The following CSMD3 variants were observed in gnomAD, a reference collection of about 807,000 sequenced individuals.
The protein encoded by CSMD3 is CUB and Sushi multiple domains 3.
A neutral mutation model predicts 435.2 loss-of-function variants in CSMD3; 177 were observed. The ratio of observed to expected loss-of-function variants is 0.41; its 90% CI spans 0.36 to 0.46. CSMD3 has a LOEUF of 0.46. Ranked by LOEUF, CSMD3 falls within the 20% of genes least tolerant of loss-of-function variation. CSMD3 has a pLI of 0.34. For synonymous variants in CSMD3, 1,656 were observed against 1,520.5 expected (o/e 1.09, Z -2.07); for missense variants, 4,265 against 4,504.6 (o/e 0.95, Z 1.52).
At chr8:112,742,681 C>T (rs1216363764) in intron 13 of CSMD3, among the ~76,000 whole-genome samples, 1 of 151,736 alleles carries the variant, frequency 6.6e-6, no homozygotes, top group African/African-American at 2.4e-5. Flanking sequence ...ACCCATCTGC[C>T]TGTCTCGATG....
chr8:112,644,218 G>A (rs2074915565), intron 20 of CSMD3, among the ~76,000 whole-genome samples: 1 of 151,314 alleles, frequency 6.6e-6, no homozygotes, highest in Non-Finnish European at 1.5e-5. Flanking sequence ...CCATTCATAA[G>A]TTGTTACCTT....
chr8:112,747,183 CTTTTTTTTTTTTTTTTTT>C (rs71309787), intron 13 of CSMD3, among the ~76,000 whole-genome samples: 38 of 26,954 alleles, frequency 1.4e-3, no homozygotes, highest in African/African-American at 6.5e-3. Context: ...GCACACTTCC[CTTTTTTTTTTTTTTTTTT>C]TTTTTTTTTT....
At chr8:112,273,725 CA>C (rs371418820) in intron 59 of CSMD3, among the ~76,000 whole-genome samples, 128 of 112,000 alleles carry the variant, frequency 1.1e-3, no homozygotes, top group Middle Eastern at 5.0e-3. Context: ...GACTCTGTCT[CA>C]AAAAAAAAAA....
At position 113,314,584 on chromosome 8, in the gene CSMD3, T is replaced by C. The variant is rs144647346; in HGVS notation, c.388A>G (p.Asn130Asp). The change falls in exon 2 of 71, where the codon AAC (asparagine) becomes GAC (aspartate). Residue 130 changes from asparagine (N) to aspartate (D), a missense_variant. Transcript: ENST00000297405. ...SLYDGHPHPT[N>D]FRTRLTGFHL... ...AAACACACTAACCTTGTCCTAAAGT[T>C]TGTAGGATGAGGATGTCCATCATAT... 528 of 1,591,020 alleles carry C rather than the reference T, an allele frequency of 3.3e-4. No homozygotes were observed. Among genetic ancestry groups the C allele is most frequent in the Non-Finnish European group, 4.1e-4 (470 of 1,159,268 alleles).
intron 22 of CSMD3, among the ~76,000 whole-genome samples, chr8:112,594,614 G>A (rs1047609507): frequency 2.6e-5 from 4 of 152,260 alleles, no homozygotes; most frequent in Non-Finnish European, 4.4e-5. Context: ...AAATGTCCCC[G>A]TCTGACAGCT....
At chr8:112,558,145 C>A (rs1203902289) in intron 24 of CSMD3, among the ~76,000 whole-genome samples, 1 of 151,782 alleles carries the variant, frequency 6.6e-6, no homozygotes, top group Admixed American at 6.6e-5. Context: ...GGTCTCTCTG[C>A]CCTTCTTCTG....
At chr8:112,292,845 C>A in intron 54 of CSMD3, 135 bp from the exon 55 acceptor site, 10 of 770,098 alleles carry the variant, frequency 1.3e-5, no homozygotes, top group South Asian at 3.0e-5. Context: ...TGGAAATATA[C>A]GGAAAGTACA....
intron 15 of CSMD3, among the ~76,000 whole-genome samples, chr8:112,683,586 T>A (rs577203888): frequency 6.6e-6 from 1 of 152,134 alleles, no homozygotes; most frequent in African/African-American, 2.4e-5. Context: ...ACATGAACAA[T>A]CCAAATTTTT....
At chr8:113,067,147 G>A (rs1564275653) in intron 5 of CSMD3, among the ~76,000 whole-genome samples, 1 of 152,066 alleles carries the variant, frequency 6.6e-6, no homozygotes, top group Non-Finnish European at 1.5e-5. Flanking sequence ...GGAAAATGGT[G>A]AAATGGAAAT....
At chr8:112,419,687 A>T (rs181229579) in intron 32 of CSMD3, among the ~76,000 whole-genome samples, 1 of 152,334 alleles carries the variant, frequency 6.6e-6, no homozygotes, top group African/African-American at 2.4e-5. Flanking sequence ...TCAAAATTTC[A>T]AAACTGCCTA....
chr8:113,106,107 A>T (rs762020974), intron 4 of CSMD3, among the ~76,000 whole-genome samples: 2 of 152,082 alleles, frequency 1.3e-5, no homozygotes, highest in Admixed American at 6.6e-5. Context: ...GTGATCTAGT[A>T]ATGATTTTTA....
Position 112,318,959 on chromosome 8 carries a change from C to CA in CSMD3, c.7247-10dup, listed in dbSNP as rs1822732708. ...ATACCTAATAATATCACCTATTAAACAAAAGAGGGGAGGTTTCATATAAGC... is the reference window on the plus strand; with the variant it reads ...ATACCTAATAATATCACCTATTAAACAAAAAGAGGGGAGGTTTCATATAAGC... On this transcript the variant is annotated splice_polypyrimidine_tract_variant and intron_variant, in intron 46 of 70. Coordinates refer to ENST00000297405, the MANE Select transcript of CSMD3 (RefSeq NM_198123.2). The CA allele has an allele frequency of 2.7e-6, 4 of 1,490,562 alleles. No individual in the cohort carries two copies. In the Admixed American group the frequency reaches 6.7e-5, roughly 25 times the overall value. The allele number at this position is 1,490,562 out of a possible 1,614,324, so 92.3% of individuals were successfully genotyped here.
intron 3 of CSMD3, among the ~76,000 whole-genome samples, chr8:113,238,311 G>A (rs1173920781): frequency 1.3e-5 from 2 of 152,174 alleles, no homozygotes; most frequent in Non-Finnish European, 2.9e-5. Context: ...TGGGGCCAGC[G>A]GCTTTGCTTC....
In CSMD3 at chr8:112,954,704, T is replaced by C. The variant is rs1250008373; in HGVS notation, c.1400A>G (p.Asn467Ser). 11 of 1,603,670 alleles carry C rather than the reference T, an allele frequency of 6.9e-6. No individual in the cohort carries two copies. The highest frequency in any genetic ancestry group is 9.4e-6 in the Non-Finnish European group (11 of 1,171,794). Residue 467 changes from asparagine to serine, a missense_variant, in exon 8 of 71, where the codon AAC (asparagine) becomes AGC (serine). Transcript: ENST00000297405. ...RGFKLFPGKDNSNKFSILNEG... is the reference protein window; with the variant it reads ...RGFKLFPGKDSSNKFSILNEG... ...CTCACAGATAGAAAACTTGTTGCTG[T>C]TGTCTTTCCCTGGAAACAATTTAAA...
intron 13 of CSMD3, among the ~76,000 whole-genome samples, chr8:112,752,815 G>A (rs1047050040): frequency 6.6e-6 from 1 of 152,046 alleles, no homozygotes; most frequent in Non-Finnish European, 1.5e-5. Context: ...CAAAAGGACT[G>A]AAAATGAAAA....
chr8:112,506,905 C>T (rs1052846840), intron 28 of CSMD3, 76 bp from the exon 29 acceptor site: 12 of 1,346,594 alleles, frequency 8.9e-6, no homozygotes, highest in African/African-American at 7.3e-5. Context: ...TTTGAAATCA[C>T]GTCTCTAAAA....
intron 7 of CSMD3, among the ~76,000 whole-genome samples, chr8:112,971,529 A>G (rs1054802186): frequency 1.3e-5 from 2 of 152,172 alleles, no homozygotes; most frequent in Non-Finnish European, 1.5e-5. Context: ...GCTTATAACA[A>G]CCCTGATGTA....
chr8:112,927,576 C>T (rs2082949736), intron 9 of CSMD3, among the ~76,000 whole-genome samples: 1 of 152,122 alleles, frequency 6.6e-6, no homozygotes, highest in African/African-American at 2.4e-5. Context: ...TTAATAAACT[C>T]TATCCAAAGG....
rs1819837531 is a variant in CSMD3, at chr8:112,483,582, C to T, written c.5278+8907G>A. On this transcript the variant is annotated intron_variant, in intron 31 of 70. Coordinates refer to ENST00000297405, the MANE Select transcript of CSMD3 (RefSeq NM_198123.2). ...GGACAGAGGGAAATACAAACTTGAA[C>T]TGGAACAGGAAGTGTCTGTTAGATC... is the stretch of plus-strand genomic sequence containing the variant. Among the ~76,000 whole-genome samples the T allele has an allele frequency of 2.0e-5, 3 of 152,036 alleles. No individual in the cohort carries two copies. The South Asian group carries it at 6.2e-4, about 32-fold the overall frequency.
Sources: gnomAD v4.1 joint callset for allele counts (sites outside exome capture counted in the v4.1 genomes callset) on GRCh38, gnomAD v4.1.1 for gene constraint, MANE v1.5 for transcripts, NCBI Gene and HGNC (gene_info 2026-07-23, HGNC 2026-07-21) for gene names.